USP12: variants seen among roughly 807,000 people sequenced by gnomAD.
USP12 encodes the protein ubiquitin specific peptidase 12.
USP12 carries 19 observed loss-of-function variants against 45.5 expected under a neutral mutation model. That is an observed-to-expected ratio of 0.42 (90% CI 0.29 to 0.61). USP12 has a LOEUF of 0.61. USP12 is among the 20% of genes least tolerant of loss of function. The pLI is 0.22. For missense variants in USP12, 242 were observed against 447.7 expected (o/e 0.54, Z 4.15); for synonymous variants, 149 against 148.8 (o/e 1.00, Z -0.01).
chr13:27,153,019 T>C (rs185814332), intron 1 of USP12, among the ~76,000 whole-genome samples: 1 of 151,128 alleles, frequency 6.6e-6, no homozygotes, highest in East Asian at 2.0e-4. Flanking sequence ...TGATTAATTG[T>C]TTACATTCAA....
intron 1 of USP12, among the ~76,000 whole-genome samples, chr13:27,146,308 A>T (rs894118758): frequency 1.3e-5 from 2 of 152,136 alleles, no homozygotes; most frequent in African/African-American, 4.8e-5. Context: ...AGACTGAGGC[A>T]GGAGAATTAC....
At chr13:27,090,871 G>A (rs1565986229) in intron 4 of USP12, among the ~76,000 whole-genome samples, 1 of 152,060 alleles carries the variant, frequency 6.6e-6, no homozygotes, top group African/African-American at 2.4e-5. Context: ...GTTGTTCATC[G>A]AACAACTCAG....
At chr13:27,094,288 G>A (rs901930740) in intron 4 of USP12, among the ~76,000 whole-genome samples, 1 of 151,898 alleles carries the variant, frequency 6.6e-6, no homozygotes, top group African/African-American at 2.4e-5. Context: ...TGGGTTACTT[G>A]AGGGCAGGAG....
intron 6 of USP12, among the ~76,000 whole-genome samples, chr13:27,083,357 T>C (rs1375200897): frequency 6.6e-6 from 1 of 152,106 alleles, no homozygotes; most frequent in Non-Finnish European, 1.5e-5. Context: ...CCACAAACCT[T>C]CAATCTGTAA....
chr13:27,142,503 C>A (rs1202952678), intron 1 of USP12, among the ~76,000 whole-genome samples: 1 of 152,128 alleles, frequency 6.6e-6, no homozygotes, highest in Non-Finnish European at 1.5e-5. Flanking sequence ...GTCCCTGTTA[C>A]TGGGAAATGT....
At chr13:27,143,745 T>A (rs935704501) in intron 1 of USP12, among the ~76,000 whole-genome samples, 1 of 152,222 alleles carries the variant, frequency 6.6e-6, no homozygotes, top group African/African-American at 2.4e-5. Context: ...CAAATTATTC[T>A]TCCCCAAAAA....
At chr13:27,152,837 GAGGCTGAGGC>G (rs1022320065) in intron 1 of USP12, among the ~76,000 whole-genome samples, 1 of 151,786 alleles carries the variant, frequency 6.6e-6, no homozygotes, top group African/African-American at 2.4e-5. Flanking sequence ...AGCTACTCAG[GAGGCTGAGGC>G]AGGACAATGG....
chr13:27,170,266 T>C (rs1470748375), intron 1 of USP12: 1 of 398,522 alleles, frequency 2.5e-6, no homozygotes, highest in Non-Finnish European at 4.4e-6. Flanking sequence ...TTTTTTGTAC[T>C]GTTCCTCAGC....
intron 1 of USP12, among the ~76,000 whole-genome samples, chr13:27,146,635 A>G (rs897525999): frequency 6.6e-6 from 1 of 152,272 alleles, no homozygotes; most frequent in South Asian, 2.1e-4. Context: ...GATACCTAAA[A>G]TGAACCAATT....
chr13:27,159,355 A>C (rs1877996819), intron 1 of USP12, among the ~76,000 whole-genome samples: 1 of 152,252 alleles, frequency 6.6e-6, no homozygotes, highest in African/African-American at 2.4e-5. Flanking sequence ...TTCAAAGTCC[A>C]TATTAAACAC....
chr13:27,126,040 A>G (rs1182314846), intron 1 of USP12, among the ~76,000 whole-genome samples: 2 of 152,250 alleles, frequency 1.3e-5, no homozygotes, highest in Non-Finnish European at 2.9e-5. Context: ...CTCTGGGGGC[A>G]GGGCATATCT....
At chr13:27,116,830 A>G (rs1203237877) in intron 1 of USP12, among the ~76,000 whole-genome samples, 1 of 152,180 alleles carries the variant, frequency 6.6e-6, no homozygotes, top group African/African-American at 2.4e-5. Context: ...ATACAGGAAC[A>G]TGCTGTATAG....
At chr13:27,093,155 A>G (rs1191192095) in intron 4 of USP12, among the ~76,000 whole-genome samples, 1 of 151,992 alleles carries the variant, frequency 6.6e-6, no homozygotes, top group Non-Finnish European at 1.5e-5. Flanking sequence ...ACTGCGCTCC[A>G]GCCTGGGCAA....
chr13:27,076,070 T>C (rs1873473104), intron 6 of USP12, among the ~76,000 whole-genome samples: 1 of 150,450 alleles, frequency 6.6e-6, no homozygotes, highest in Non-Finnish European at 1.5e-5. Context: ...GAAAACAAGT[T>C]TCTTGAAACT....
intron 1 of USP12, among the ~76,000 whole-genome samples, chr13:27,166,167 C>T (rs1436610821): frequency 6.6e-6 from 1 of 152,072 alleles, no homozygotes; most frequent in African/African-American, 2.4e-5. Flanking sequence ...TAGAATTTAC[C>T]TTCTGGTCCA....
chr13:27,097,189 A>C (rs943256346), intron 3 of USP12, among the ~76,000 whole-genome samples: 46 of 151,774 alleles, frequency 3.0e-4, no homozygotes, highest in African/African-American at 1.1e-3. Flanking sequence ...AAAGCAGGCC[A>C]AGCGCAGTGG....
Position 27,140,918 on chromosome 13 carries a change from G to A in USP12, c.49-24322C>T, listed in dbSNP as rs960153086. 4.0e-5 allele frequency among the ~76,000 whole-genome samples: 6 copies of A among 150,012 alleles called. 1 individual carries two copies. Among genetic ancestry groups the A allele is most frequent in the Admixed American group, 2.7e-4 (4 of 15,038 alleles). ...AACGTCACACAAGAATCTCTCTAAC[G>A]CCTTTTGTAGCTATTCCAATTAAAA... On this transcript the variant is annotated intron_variant, in intron 1 of 8. Transcript: ENST00000282344.
intron 4 of USP12, among the ~76,000 whole-genome samples, chr13:27,093,536 G>C (rs953465736): frequency 4.6e-5 from 7 of 152,228 alleles, no homozygotes; most frequent in African/African-American, 1.7e-4. Context: ...TGTCAGCAAG[G>C]ATGTGGAGAA....
chr13:27,092,529 C>T (rs1228491532), intron 4 of USP12, among the ~76,000 whole-genome samples: 1 of 152,194 alleles, frequency 6.6e-6, no homozygotes, highest in East Asian at 1.9e-4. Context: ...TACGGACCAA[C>T]AGGACAGAAG....
Sources: allele counts gnomAD v4.1 joint callset (sites outside exome capture counted in the v4.1 genomes callset), GRCh38; gene constraint gnomAD v4.1.1; transcripts MANE v1.5; gene names NCBI Gene and HGNC (gene_info 2026-07-23, HGNC 2026-07-21).